The following PRKAG2 variants were observed in gnomAD, a reference collection of about 807,000 sequenced individuals.
The protein encoded by PRKAG2 is 5'-AMP-activated protein kinase subunit gamma-2.
In PRKAG2, 26 loss-of-function variants were observed where a neutral mutation model predicts 69.6. That is an observed-to-expected ratio of 0.37 (90% CI 0.27 to 0.52). The LOEUF (loss-of-function observed/expected upper bound fraction) is 0.52, where lower values mean the gene tolerates loss of function less well. Ranked by LOEUF, PRKAG2 falls within the 20% of genes least tolerant of loss-of-function variation. The pLI, the probability that PRKAG2 is intolerant of heterozygous loss-of-function variation, is 0.90. For synonymous variants in PRKAG2, 293 were observed against 285.0 expected, an observed-to-expected ratio of 1.03 and a Z score of -0.28; for missense variants, 557 against 740.0, an observed-to-expected ratio of 0.75 and a Z score of 2.87.
In PRKAG2 at chr7:151,814,308, T is replaced by C. The variant is rs2078569942; in HGVS notation, c.115-27767A>G. ...TGGAGAACAAAGCCACAATTCAGCA[T>C]CAGTCTTACACACCAAGGAGACAAA... On this transcript the variant is annotated intron_variant, in intron 1 of 15. Coordinates refer to ENST00000287878, the MANE Select transcript of PRKAG2 (RefSeq NM_016203.4). The surrounding 1 kb of genome is among the most constrained non-coding windows in gnomAD (Gnocchi z 4.8). The C allele has an allele frequency of 1.3e-6, 1 of 749,870 alleles. No homozygotes were observed. Among genetic ancestry groups the C allele is most frequent in the African/African-American group, 1.8e-5 (1 of 54,636 alleles). The allele number at this position is 749,870 out of a possible 1,614,324, so 46.5% of individuals were successfully genotyped here.
At chr7:151,833,010 A>C (rs1040000918) in intron 1 of PRKAG2, among the ~76,000 whole-genome samples, 1 of 152,058 alleles carries the variant, frequency 6.6e-6, no homozygotes, top group African/African-American at 2.4e-5. Flanking sequence ...GCTGGCACTC[A>C]CTCGTTTATG....
intron 6 of PRKAG2, among the ~76,000 whole-genome samples, chr7:151,588,827 A>G (rs534683067): frequency 6.6e-6 from 1 of 152,304 alleles, no homozygotes; most frequent in African/African-American, 2.4e-5. Context: ...TAAATTACCC[A>G]GTCTCAGGTA....
intron 1 of PRKAG2, among the ~76,000 whole-genome samples, chr7:151,826,351 T>TTTTGTA (rs1263010397): frequency 2.6e-5 from 4 of 152,058 alleles, no homozygotes; most frequent in African/African-American, 4.8e-5. Flanking sequence ...TGGCTAATTT[T>TTTTGTA]TTTGTATTTT....
chr7:151,790,953 G>A (rs2077248543), intron 1 of PRKAG2, among the ~76,000 whole-genome samples: 2 of 152,258 alleles, frequency 1.3e-5, no homozygotes, highest in African/African-American at 4.8e-5. Flanking sequence ...GTGGACCCCA[G>A]GCGGCTGCCC....
In PRKAG2 at chr7:151,629,314, C is replaced by A. The variant is rs553955506; in HGVS notation, c.754+2755G>T. ...CAGCAGGAGCGGCCCCTGTGCTAGG[C>A]AAGTCCCACCCCAGACCTAGAGAAC... On this transcript the variant is annotated intron_variant, in intron 5 of 15. Transcript: ENST00000287878. Among the ~76,000 whole-genome samples, 3 of 152,318 alleles carry A rather than the reference C, an allele frequency of 2.0e-5. No homozygotes were observed. The South Asian group carries it at 6.2e-4, about 32-fold the overall frequency.
chr7:151,851,107 T>C (rs1287296321), intron 1 of PRKAG2, among the ~76,000 whole-genome samples: 1 of 152,106 alleles, frequency 6.6e-6, no homozygotes, highest in Admixed American at 6.5e-5. Flanking sequence ...CTTTTCTTAA[T>C]GGCCTGGTAG....
At chr7:151,588,693 A>G (rs1183524800) in intron 6 of PRKAG2, among the ~76,000 whole-genome samples, 2 of 151,630 alleles carry the variant, frequency 1.3e-5, no homozygotes, top group African/African-American at 4.9e-5. Context: ...GTTCCCCTGC[A>G]CAAGCTCTCT....
At chr7:151,611,339 A>C (rs1818808349) in intron 5 of PRKAG2, among the ~76,000 whole-genome samples, 1 of 152,180 alleles carries the variant, frequency 6.6e-6, no homozygotes, top group South Asian at 2.1e-4. Context: ...TCGTTTACTA[A>C]GCAATGCTTG....
intron 15 of PRKAG2, chr7:151,557,687 T>C (rs963063711): frequency 3.8e-6 from 2 of 525,990 alleles, no homozygotes; most frequent in Non-Finnish European, 4.9e-6. Flanking sequence ...CTGGCCAACA[T>C]GGTGAAACCC....
In PRKAG2 at chr7:151,668,545, C is replaced by A. The variant is rs761881001; in HGVS notation, c.684+6875G>T. 3.3e-5 allele frequency among the ~76,000 whole-genome samples: 5 copies of A among 152,202 alleles called. No homozygotes were observed. In the East Asian group the frequency reaches 9.6e-4, roughly 29 times the overall value. The stretch of plus-strand genomic sequence containing the variant: ...GCTACCGATGGCTCACACCTGCAAC[C>A]TTTTTAGCAGGATCGTTCTTGGGTG... On this transcript the variant is annotated intron_variant, in intron 4 of 15. Coordinates refer to ENST00000287878, the MANE Select transcript of PRKAG2 (RefSeq NM_016203.4).
chr7:151,871,694 A>T (rs946690224), intron 1 of PRKAG2, among the ~76,000 whole-genome samples: 9 of 152,146 alleles, frequency 5.9e-5, no homozygotes, highest in African/African-American at 1.7e-4. Context: ...TGTCCCCTAA[A>T]ATGGATTCTT....
At chr7:151,658,033 A>C in intron 4 of PRKAG2, among the ~76,000 whole-genome samples, 2 of 151,562 alleles carry the variant, frequency 1.3e-5, no homozygotes, top group African/African-American at 4.9e-5. Flanking sequence ...TGGCGCACGC[A>C]TGTAGTCCCA....
chr7:151,729,211 A>G (rs1251483824), intron 3 of PRKAG2, among the ~76,000 whole-genome samples: 2 of 152,068 alleles, frequency 1.3e-5, no homozygotes, highest in Admixed American at 1.3e-4. Flanking sequence ...CTGGGAGTGG[A>G]GAGTTCTCAA....
At chr7:151,657,146 A>AG (rs1256702638) in intron 4 of PRKAG2, among the ~76,000 whole-genome samples, 6 of 151,702 alleles carry the variant, frequency 4.0e-5, no homozygotes, top group African/African-American at 1.5e-4. Flanking sequence ...CAAAAAAAAA[A>AG]AGGGGGGGTG....
intron 6 of PRKAG2, among the ~76,000 whole-genome samples, chr7:151,592,517 C>T (rs998780107): frequency 6.6e-6 from 1 of 152,084 alleles, no homozygotes; most frequent in African/African-American, 2.4e-5. Flanking sequence ...GCATTCTGCT[C>T]TCCTCTCATT....
At chr7:151,598,369 T>C (rs1815151671) in intron 5 of PRKAG2, among the ~76,000 whole-genome samples, 1 of 152,160 alleles carries the variant, frequency 6.6e-6, no homozygotes, top group African/African-American at 2.4e-5. Context: ...ATTCTGGTGT[T>C]CTATTGCACA....
chr7:151,587,824 C>T (rs6974841), intron 6 of PRKAG2, among the ~76,000 whole-genome samples: 27,299 of 152,008 alleles, frequency 0.18, 2,879 homozygotes, highest in African/African-American at 0.29. Flanking sequence ...CGGCATTATG[C>T]AAAAACTAAG....
In PRKAG2 at chr7:151,777,916, T is replaced by G. The variant is rs531103159; in HGVS notation, c.466+3236A>C. Among the ~76,000 whole-genome samples, 137 of 152,310 alleles carry G rather than the reference T, an allele frequency of 9.0e-4. 1 individual carries two copies. The highest frequency in any genetic ancestry group is 3.2e-3 in the African/African-American group (133 of 41,562). ...TGCAGGTGTAGTTTCTATGATCTCG[T>G]ACTGCTCTGGGGTCATGGAGCCAGA... is the stretch of plus-strand genomic sequence containing the variant. On this transcript the variant is annotated intron_variant, in intron 3 of 15. Coordinates refer to ENST00000287878, the MANE Select transcript of PRKAG2 (RefSeq NM_016203.4). This position sits in a 1 kb window ranked among gnomAD's most constrained non-coding sequence, Gnocchi z 4.3.
intron 3 of PRKAG2, among the ~76,000 whole-genome samples, chr7:151,751,085 G>A (rs2074640334): frequency 6.7e-6 from 1 of 149,280 alleles, no homozygotes; most frequent in South Asian, 2.1e-4. Flanking sequence ...TTGCCATACT[G>A]ATTCAAAGAT....
Sources: allele counts gnomAD v4.1 joint callset (sites outside exome capture counted in the v4.1 genomes callset), GRCh38; gene constraint gnomAD v4.1.1; non-coding constraint Gnocchi (gnomAD v3.1); transcripts MANE v1.5; gene names NCBI Gene and HGNC (gene_info 2026-07-23, HGNC 2026-07-21).